Variants in GRID2 observed in about 807,000 individuals in gnomAD.
GRID2 encodes glutamate ionotropic receptor delta type subunit 2.
GRID2 carries 33 observed loss-of-function variants against 114.8 expected under a neutral mutation model. That is an observed-to-expected ratio of 0.29 (90% confidence interval 0.22 to 0.38). The LOEUF is 0.38. Among genes scored for constraint, GRID2 ranks in the 10% least tolerant of loss-of-function variants. The probability of loss-of-function intolerance (pLI) is 1.00; values close to 1 mark genes in which losing one functional copy is unlikely to be tolerated. For synonymous variants in GRID2, 505 were observed against 449.9 expected, an observed-to-expected ratio of 1.12 and a Z score of -1.55; for missense variants, 1,184 against 1,257.7, an observed-to-expected ratio of 0.94 and a Z score of 0.89.
chr4:92,510,983 T>A (rs577673443), intron 1 of GRID2, among the ~76,000 whole-genome samples: 3 of 151,508 alleles, frequency 2.0e-5, no homozygotes, highest in African/African-American at 7.3e-5. Flanking sequence ...ATAAAGTGAG[T>A]AAATATGTAG....
intron 8 of GRID2, among the ~76,000 whole-genome samples, chr4:93,388,517 G>A (rs865780484): frequency 1.2e-4 from 19 of 152,120 alleles, no homozygotes; most frequent in Non-Finnish European, 2.1e-4. Context: ...TCAAGAAACC[G>A]TAGGAAGACT....
chr4:92,668,641 T>C (rs1056367657), intron 2 of GRID2, among the ~76,000 whole-genome samples: 3 of 151,834 alleles, frequency 2.0e-5, no homozygotes, highest in African/African-American at 7.2e-5. Flanking sequence ...GTCAGCAGAA[T>C]TGGCATATAT....
chr4:92,411,655 G>GTGTGTGTGTGTGTATATATATATATATA, intron 1 of GRID2, among the ~76,000 whole-genome samples: 3 of 84,714 alleles, frequency 3.5e-5, no homozygotes, highest in African/African-American at 1.2e-4. Flanking sequence ...GTGTGTGTGT[G>GTGTGTGTGTGTGTATATATATATATATA]TATATATATA....
intron 2 of GRID2, among the ~76,000 whole-genome samples, chr4:92,991,285 C>T (rs539490382): frequency 8.3e-4 from 126 of 152,226 alleles, no homozygotes; most frequent in African/African-American, 3.0e-3. Flanking sequence ...AGGACATATA[C>T]AGACTATCAG....
At chr4:92,758,210 T>C (rs929848634) in intron 2 of GRID2, among the ~76,000 whole-genome samples, 2 of 152,084 alleles carry the variant, frequency 1.3e-5, no homozygotes, top group African/African-American at 2.4e-5. Flanking sequence ...TAAGTCACAA[T>C]TATCAGCTGA....
At position 92,481,005 on chromosome 4, in the gene GRID2, C is replaced by A. The variant is rs546507883; in HGVS notation, c.89-109126C>A. Among the ~76,000 whole-genome samples, 3 of 152,206 alleles carry A rather than the reference C, an allele frequency of 2.0e-5. 1 individual carries two copies. In the South Asian group the frequency reaches 6.2e-4, roughly 32 times the overall value. The stretch of plus-strand genomic sequence containing the variant: ...TCTAGTTTCGTGAGGTTTCTATGCT[C>A]TACATGCTGACAAGGGTAGTAAGTA... On this transcript the variant is annotated intron_variant, in intron 1 of 15. Transcript: ENST00000282020.
intron 2 of GRID2, among the ~76,000 whole-genome samples, chr4:92,634,034 T>C (rs57939475): frequency 1.3e-5 from 2 of 151,408 alleles, no homozygotes; most frequent in African/African-American, 2.4e-5. Context: ...CCAATCTTTT[T>C]GATTCTGTGG....
intron 9 of GRID2, among the ~76,000 whole-genome samples, chr4:93,408,191 C>T (rs1766723366): frequency 6.6e-6 from 1 of 152,070 alleles, no homozygotes; most frequent in Admixed American, 6.6e-5. Flanking sequence ...ACAGAACACT[C>T]ATCAAAAACA....
intron 2 of GRID2, among the ~76,000 whole-genome samples, chr4:93,006,122 A>T (rs1721496584): frequency 6.6e-6 from 1 of 152,122 alleles, no homozygotes; most frequent in Admixed American, 6.6e-5. Context: ...GTCTACACAG[A>T]CATCTCTAAA....
chr4:92,755,511 G>C (rs573697644), intron 2 of GRID2, among the ~76,000 whole-genome samples: 152 of 152,192 alleles, frequency 1.0e-3, no homozygotes, highest in African/African-American at 3.5e-3. Context: ...ACATCTCTTT[G>C]AATAACTGAA....
chr4:93,447,207 T>A (rs1011968708), intron 10 of GRID2, among the ~76,000 whole-genome samples: 1 of 151,992 alleles, frequency 6.6e-6, no homozygotes. Flanking sequence ...GTAAATTGTT[T>A]TTAAAACTTT....
chr4:93,602,843 G>A (rs934932291), intron 13 of GRID2, among the ~76,000 whole-genome samples: 1 of 152,184 alleles, frequency 6.6e-6, no homozygotes, highest in Non-Finnish European at 1.5e-5. Flanking sequence ...CAGATGATTA[G>A]CCAAGTTAAA....
At chr4:92,910,800 T>C (rs1748319704) in intron 2 of GRID2, among the ~76,000 whole-genome samples, 1 of 152,102 alleles carries the variant, frequency 6.6e-6, no homozygotes, top group Non-Finnish European at 1.5e-5. Flanking sequence ...AGCTCACTTA[T>C]AATACTTAAT....
intron 2 of GRID2, among the ~76,000 whole-genome samples, chr4:92,954,775 C>T (rs1293429572): frequency 7.2e-5 from 9 of 125,692 alleles, no homozygotes; most frequent in Admixed American, 2.6e-4. Context: ...CTCCCCCCAC[C>T]CCACAAGAGT....
chr4:93,083,489 C>T (rs911684770), intron 2 of GRID2, among the ~76,000 whole-genome samples: 1 of 151,776 alleles, frequency 6.6e-6, no homozygotes, highest in Non-Finnish European at 1.5e-5. Context: ...ATCAGGAGTT[C>T]CAGACCAGCC....
At position 92,658,811 on chromosome 4, in the gene GRID2, A is replaced by G. The variant is rs1732376883; in HGVS notation, c.244+68525A>G. ...TGTGTGTGTATATATATATATATAT[A>G]TATATATACACACACACAATCACAT... On this transcript the variant is annotated intron_variant, in intron 2 of 15. Coordinates refer to ENST00000282020, the MANE Select transcript of GRID2 (RefSeq NM_001510.4). Among the ~76,000 whole-genome samples, 4 of 137,522 alleles carry G rather than the reference A, an allele frequency of 2.9e-5. 1 individual carries two copies. Among genetic ancestry groups the G allele is most frequent in the South Asian group, 4.5e-4 (2 of 4,416 alleles). 90.2% of individuals were successfully genotyped at this position (137,522 alleles called of 152,430 possible).
chr4:93,189,555 C>G (rs1166865755), intron 4 of GRID2, among the ~76,000 whole-genome samples: 1 of 152,080 alleles, frequency 6.6e-6, no homozygotes, highest in Admixed American at 6.6e-5. Flanking sequence ...CAATAGCCAT[C>G]TAAACATTTT....
rs1430419989 is a variant in GRID2, at chr4:93,772,832, G to A, written c.*334G>A. 4 of 219,766 alleles carry A rather than the reference G, an allele frequency of 1.8e-5. No homozygotes were observed. The highest frequency in any genetic ancestry group is 9.1e-5 in the African/African-American group (4 of 44,008). 13.6% of individuals were successfully genotyped at this position (219,766 alleles called of 1,614,324 possible). On this transcript the variant is annotated 3_prime_UTR_variant, in exon 16 of 16. Coordinates refer to ENST00000282020, the MANE Select transcript of GRID2 (RefSeq NM_001510.4). The stretch of plus-strand genomic sequence containing the variant: ...CTGAGTATACTAAAAGTATATGCAG[G>A]ATTAATTTTACATAAAGGCCTCTTC...
At chr4:93,362,615 G>A (rs559062869) in intron 8 of GRID2, among the ~76,000 whole-genome samples, 41 of 152,088 alleles carry the variant, frequency 2.7e-4, no homozygotes, top group Non-Finnish European at 4.3e-4. Context: ...TGTTCAATAA[G>A]CTATGTAGGG....
Sources: allele counts gnomAD v4.1 joint callset (sites outside exome capture counted in the v4.1 genomes callset), GRCh38; gene constraint gnomAD v4.1.1; transcripts MANE v1.5; gene names NCBI Gene and HGNC (gene_info 2026-07-23, HGNC 2026-07-21).